Variants in RIT2 observed in about 807,000 individuals in gnomAD.
The protein encoded by RIT2 is Ras like without CAAX 2, also known as GTP-binding protein Rit2.
Under a neutral mutation model 23.7 loss-of-function variants are expected in RIT2, and 24 were observed. That is an observed-to-expected ratio of 1.01 (90% confidence interval 0.73 to 1.43). The LOEUF is 1.43. Ranked by LOEUF, RIT2 falls within the 40% of genes most tolerant of loss-of-function variation. The probability of loss-of-function intolerance (pLI) is 0.00; values close to 1 mark genes in which losing one functional copy is unlikely to be tolerated. For missense variants in RIT2, 236 were observed against 266.9 expected (o/e 0.88, Z 0.81); for synonymous variants, 107 against 91.1 (o/e 1.17, Z -0.99).
Position 43,063,387 on chromosome 18 carries a change from G to A in RIT2, c.104-29520C>T, listed in dbSNP as rs550746370. Reference sequence around the variant, plus strand: ...CCATTGGTGACCTTTGGGGCTAAACGAGTAGCCAATTTCTGGTTTATATGC... The same window carrying A: ...CCATTGGTGACCTTTGGGGCTAAACAAGTAGCCAATTTCTGGTTTATATGC... On this transcript the variant is annotated intron_variant, in intron 1 of 4. Coordinates refer to ENST00000326695, the MANE Select transcript of RIT2 (RefSeq NM_002930.4). 1.5e-3 allele frequency among the ~76,000 whole-genome samples: 226 copies of A among 152,208 alleles called. 1 individual carries two copies. The highest frequency in any genetic ancestry group is 2.5e-3 in the Non-Finnish European group (171 of 68,004).
chr18:43,075,546 A>C lies in RIT2; in HGVS notation c.103+39871T>G, dbSNP rs151093345. ...ATACATATATTTTGCTTTATAAAGAATGACTTTTTATAGAAAAATTGAATT... is the reference window on the plus strand; with the variant it reads ...ATACATATATTTTGCTTTATAAAGACTGACTTTTTATAGAAAAATTGAATT... On this transcript the variant is annotated intron_variant, in intron 1 of 4. Transcript: ENST00000326695. Among the ~76,000 whole-genome samples, 5 of 152,350 alleles carry C rather than the reference A, an allele frequency of 3.3e-5. No individual in the cohort carries two copies. The East Asian group carries it at 9.6e-4, about 29-fold the overall frequency.
intron 4 of RIT2, among the ~76,000 whole-genome samples, chr18:42,846,329 A>T (rs530774845): frequency 6.6e-6 from 1 of 151,980 alleles, no homozygotes; most frequent in Admixed American, 6.6e-5. Context: ...AATCAGAATA[A>T]TTTTATAATT....
At chr18:42,842,430 C>G (rs1179463064) in intron 4 of RIT2, among the ~76,000 whole-genome samples, 1 of 152,058 alleles carries the variant, frequency 6.6e-6, no homozygotes, top group Non-Finnish European at 1.5e-5. Flanking sequence ...CCCAAACTAT[C>G]ATTTTATTGA....
chr18:43,049,716 G>T (rs527846789), intron 1 of RIT2, among the ~76,000 whole-genome samples: 51 of 152,162 alleles, frequency 3.4e-4, no homozygotes, highest in Non-Finnish European at 6.2e-4. Context: ...AGTTAATGAT[G>T]CACATGGGTA....
chr18:42,990,642 T>C (rs990603219), intron 2 of RIT2, among the ~76,000 whole-genome samples: 2 of 152,236 alleles, frequency 1.3e-5, no homozygotes, highest in African/African-American at 4.8e-5. Context: ...GTATATTCAT[T>C]TTCTAGCATT....
chr18:43,049,769 G>A lies in RIT2; in HGVS notation c.104-15902C>T, dbSNP rs909596911. ...ACAGGCAAAGGAAATAGCATGTGCC[G>A]AAGTTCCAAAGGCTCAGGCAACAAG... On this transcript the variant is annotated intron_variant, in intron 1 of 4. Transcript: ENST00000326695. Among the ~76,000 whole-genome samples, 6 of 151,892 alleles carry A rather than the reference G, an allele frequency of 4.0e-5. No homozygotes were observed. The South Asian group carries it at 6.2e-4, about 16-fold the overall frequency.
At chr18:42,799,983 C>G (rs983197964) in intron 4 of RIT2, among the ~76,000 whole-genome samples, 1 of 152,108 alleles carries the variant, frequency 6.6e-6, no homozygotes, top group African/African-American at 2.4e-5. Context: ...GATTTTATAT[C>G]TTTCCCTCCA....
chr18:42,826,820 T>A (rs1347124364), intron 4 of RIT2, among the ~76,000 whole-genome samples: 3 of 151,970 alleles, frequency 2.0e-5, no homozygotes, highest in Non-Finnish European at 4.4e-5. Context: ...TAAATATAAG[T>A]AATGAAAATT....
intron 1 of RIT2, among the ~76,000 whole-genome samples, chr18:43,084,837 T>C (rs1913244090): frequency 6.6e-6 from 1 of 152,198 alleles, no homozygotes; most frequent in Non-Finnish European, 1.5e-5. Context: ...CCATGGCACA[T>C]GTATACCTAT....
At chr18:43,022,887 A>G (rs995383983) in intron 2 of RIT2, among the ~76,000 whole-genome samples, 3 of 152,106 alleles carry the variant, frequency 2.0e-5, no homozygotes, top group Admixed American at 6.6e-5. Flanking sequence ...TATTTAAACA[A>G]TAAGTGGTTT....
At chr18:42,993,781 T>C (rs1489645346) in intron 2 of RIT2, among the ~76,000 whole-genome samples, 3 of 152,040 alleles carry the variant, frequency 2.0e-5, no homozygotes, top group Non-Finnish European at 4.4e-5. Flanking sequence ...AAGTATAAGA[T>C]ACCTCTGCTC....
chr18:43,068,822 AT>A (rs767555622), intron 1 of RIT2, among the ~76,000 whole-genome samples: 37 of 152,156 alleles, frequency 2.4e-4, no homozygotes, highest in Non-Finnish European at 4.4e-4. Context: ...AGAGGCTTCA[AT>A]TTGTGTTGGC....
chr18:42,837,147 C>CTTTTTATTTTTTTTTTTTTTTTT (rs1196949759), intron 4 of RIT2, among the ~76,000 whole-genome samples: 2 of 48,716 alleles, frequency 4.1e-5, no homozygotes, highest in Non-Finnish European at 9.5e-5. Context: ...CTTTTTTTTT[C>CTTTTTATTTTTTTTTTTTTTTTT]TTTTTCTTTT....
At chr18:42,988,197 CAG>C (rs1231248906) in intron 2 of RIT2, among the ~76,000 whole-genome samples, 1 of 151,728 alleles carries the variant, frequency 6.6e-6, no homozygotes, top group Admixed American at 6.6e-5. Context: ...AGAATCGAGA[CAG>C]AAAATATACT....
rs543154296 is a variant in RIT2 at position 42,919,045 on chromosome 18, G to C, written c.426+4527C>G. Among the ~76,000 whole-genome samples, 4 of 152,210 alleles carry C rather than the reference G, an allele frequency of 2.6e-5. No individual in the cohort carries two copies. In the South Asian group the frequency reaches 8.3e-4, roughly 32 times the overall value. ...GGGGGGCTTTCTCCCTACATCATATGCACAGATCCTGAGAAGAACAGAAAG... is the reference window on the plus strand; with the variant it reads ...GGGGGGCTTTCTCCCTACATCATATCCACAGATCCTGAGAAGAACAGAAAG... On this transcript the variant is annotated intron_variant, in intron 4 of 4. Coordinates refer to ENST00000326695, the MANE Select transcript of RIT2 (RefSeq NM_002930.4).
intron 3 of RIT2, among the ~76,000 whole-genome samples, chr18:42,968,006 A>G (rs1225531764): frequency 6.6e-6 from 1 of 152,164 alleles, no homozygotes; most frequent in Non-Finnish European, 1.5e-5. Context: ...CACTAATATC[A>G]AATAGACTCA....
chr18:42,958,162 T>C (rs576373619), intron 3 of RIT2, among the ~76,000 whole-genome samples: 1 of 152,314 alleles, frequency 6.6e-6, no homozygotes, highest in East Asian at 1.9e-4. Flanking sequence ...ATTGGTTTCT[T>C]ATCAAGACTC....
intron 4 of RIT2, among the ~76,000 whole-genome samples, chr18:42,761,924 G>A (rs1913312504): frequency 6.6e-6 from 1 of 152,198 alleles, no homozygotes; most frequent in African/African-American, 2.4e-5. Context: ...TTGACCAACT[G>A]TAATTTGTTT....
chr18:42,786,854 G>A (rs1298262784), intron 4 of RIT2, among the ~76,000 whole-genome samples: 1 of 151,958 alleles, frequency 6.6e-6, no homozygotes, highest in African/African-American at 2.4e-5. Flanking sequence ...ACTTCCCCGT[G>A]ATCCTATGTT....
Sources: allele counts gnomAD v4.1 joint callset (sites outside exome capture counted in the v4.1 genomes callset), GRCh38; gene constraint gnomAD v4.1.1; transcripts MANE v1.5; gene names NCBI Gene and HGNC (gene_info 2026-07-23, HGNC 2026-07-21).